CADM2: variants seen among roughly 807,000 people sequenced by gnomAD.
CADM2 encodes the protein cell adhesion molecule 2, also known as immunoglobulin superfamily member 4D.
A neutral mutation model predicts 49.8 loss-of-function variants in CADM2; 12 were observed. That is an observed-to-expected ratio of 0.24 (90% confidence interval 0.15 to 0.39). The LOEUF is 0.39. Ranked by LOEUF, CADM2 falls within the 10% of genes least tolerant of loss-of-function variation. CADM2 has a pLI of 1.00. For missense variants in CADM2, 378 were observed against 492.3 expected, an observed-to-expected ratio of 0.77 and a Z score of 2.20; for synonymous variants, 214 against 175.4, an observed-to-expected ratio of 1.22 and a Z score of -1.74.
chr3:85,408,226 C>G (rs1175907897), intron 1 of CADM2, among the ~76,000 whole-genome samples: 1 of 151,970 alleles, frequency 6.6e-6, no homozygotes, highest in Non-Finnish European at 1.5e-5. Flanking sequence ...CAACACATTT[C>G]TAAAGAGAAT....
intron 8 of CADM2, among the ~76,000 whole-genome samples, chr3:86,036,328 T>C (rs1308945569): frequency 1.3e-5 from 2 of 152,118 alleles, no homozygotes; most frequent in African/African-American, 4.8e-5. Context: ...CCATTCAGTA[T>C]TATTTAATAA....
Position 85,444,782 on chromosome 3 carries a change from T to C in CADM2, c.62-281740T>C, listed in dbSNP as rs149628641. ...CTTTTTGTCATTCTAGCTTCCACTA[T>C]ATAGCCTGTATAAAACAATTCCTTG... On this transcript the variant is annotated intron_variant, in intron 1 of 9. Transcript: ENST00000383699. Among the ~76,000 whole-genome samples the C allele has an allele frequency of 5.1e-4, 78 of 152,298 alleles. No homozygotes were observed. In the East Asian group the frequency reaches 0.015, roughly 29 times the overall value.
intron 6 of CADM2, among the ~76,000 whole-genome samples, chr3:85,922,967 GC>G (rs1719335170): frequency 2.0e-5 from 3 of 151,504 alleles, no homozygotes; most frequent in Admixed American, 2.0e-4. Flanking sequence ...GACTATAGGC[GC>G]CCGCCACCAC....
chr3:85,280,683 A>G (rs2043478276), intron 1 of CADM2, among the ~76,000 whole-genome samples: 1 of 151,854 alleles, frequency 6.6e-6, no homozygotes, highest in Non-Finnish European at 1.5e-5. Flanking sequence ...TGATAGTTTT[A>G]GAAGAGTTTA....
At chr3:85,968,804 A>C (rs1725766990) in intron 8 of CADM2, among the ~76,000 whole-genome samples, 1 of 151,674 alleles carries the variant, frequency 6.6e-6, no homozygotes. Flanking sequence ...AGCAATATGC[A>C]ATGGCCCATG....
chr3:85,253,550 A>G (rs1336786548), intron 1 of CADM2, among the ~76,000 whole-genome samples: 1 of 152,056 alleles, frequency 6.6e-6, no homozygotes, highest in African/African-American at 2.4e-5. Flanking sequence ...TTTGCACAAG[A>G]TGATCTCTGC....
At chr3:86,062,706 G>A (rs1206540942) in intron 8 of CADM2, among the ~76,000 whole-genome samples, 2 of 152,054 alleles carry the variant, frequency 1.3e-5, no homozygotes, top group Non-Finnish European at 2.9e-5. Flanking sequence ...CAGTAGAATC[G>A]CTTGTCCCTG....
chr3:85,686,187 G>C (rs2107669350), intron 1 of CADM2, among the ~76,000 whole-genome samples: 1 of 152,140 alleles, frequency 6.6e-6, no homozygotes, highest in South Asian at 2.1e-4. Context: ...ATCTAATTAT[G>C]TTTCTAACAT....
chr3:85,403,619 T>G (rs1355497550), intron 1 of CADM2, among the ~76,000 whole-genome samples: 1 of 152,148 alleles, frequency 6.6e-6, no homozygotes, highest in African/African-American at 2.4e-5. Context: ...ACAGCAAATG[T>G]GCTCAAGGCA....
At chr3:85,125,281 GCAT>G (rs1235623915) in intron 1 of CADM2, among the ~76,000 whole-genome samples, 1 of 152,034 alleles carries the variant, frequency 6.6e-6, no homozygotes, top group East Asian at 1.9e-4. Context: ...ATATGAGATG[GCAT>G]ATTTTTAGAA....
intron 3 of CADM2, among the ~76,000 whole-genome samples, chr3:85,837,190 T>A (rs1040115418): frequency 6.6e-6 from 1 of 151,598 alleles, no homozygotes; most frequent in Non-Finnish European, 1.5e-5. Context: ...AACTACTTCA[T>A]GTGTTATAAT....
intron 1 of CADM2, among the ~76,000 whole-genome samples, chr3:85,359,798 C>A (rs541058232): frequency 2.0e-5 from 3 of 149,360 alleles, no homozygotes; most frequent in African/African-American, 7.3e-5. Context: ...TACTGCCTTG[C>A]ATATTTTAAA....
chr3:85,118,369 T>C (rs1277882204), intron 1 of CADM2, among the ~76,000 whole-genome samples: 1 of 152,188 alleles, frequency 6.6e-6, no homozygotes, highest in Non-Finnish European at 1.5e-5. Context: ...CTGATAAAGA[T>C]ATACCCAAAA....
intron 8 of CADM2, among the ~76,000 whole-genome samples, chr3:86,016,526 T>C (rs1732256258): frequency 6.6e-6 from 1 of 152,218 alleles, no homozygotes; most frequent in Admixed American, 6.5e-5. Context: ...GTGCTACCAG[T>C]TGTTTAACTT....
At chr3:85,351,592 G>A (rs2031356242) in intron 1 of CADM2, among the ~76,000 whole-genome samples, 1 of 152,090 alleles carries the variant, frequency 6.6e-6, no homozygotes, top group Admixed American at 6.6e-5. Flanking sequence ...GCCTGCATAA[G>A]ACCTGACAAG....
intron 2 of CADM2, among the ~76,000 whole-genome samples, chr3:85,789,228 A>G (rs2071183829): frequency 6.6e-6 from 1 of 152,116 alleles, no homozygotes; most frequent in South Asian, 2.1e-4. Context: ...TCAATTTAGA[A>G]TTTAGTAACA....
At chr3:85,805,512 C>T (rs1450393274) in intron 3 of CADM2, 1 of 152,090 alleles carries the variant, frequency 6.6e-6, no homozygotes, top group African/African-American at 2.4e-5. Flanking sequence ...TTTTCTCGTC[C>T]TCACTATCTG....
intron 1 of CADM2, among the ~76,000 whole-genome samples, chr3:85,219,990 G>T (rs1486215738): frequency 6.6e-6 from 1 of 152,054 alleles, no homozygotes; most frequent in Non-Finnish European, 1.5e-5. Flanking sequence ...AATATTAGGA[G>T]GTATAATGGA....
rs527949062 is a variant in CADM2, at chr3:85,329,274, A to C, written c.61+369606A>C. On this transcript the variant is annotated intron_variant, in intron 1 of 9. Coordinates refer to ENST00000383699, the MANE Select transcript of CADM2 (RefSeq NM_001167675.2). ...AACACAGGACGGGCATGGTGGCTTA[A>C]GCCTGTAATCCCAGCACTTTCGGAG... Among the ~76,000 whole-genome samples, 6 of 151,860 alleles carry C rather than the reference A, an allele frequency of 4.0e-5. 1 individual carries two copies. The South Asian group carries it at 1.2e-3, about 32-fold the overall frequency.
Sources: gnomAD v4.1 joint callset for allele counts (sites outside exome capture counted in the v4.1 genomes callset) on GRCh38, gnomAD v4.1.1 for gene constraint, MANE v1.5 for transcripts, NCBI Gene and HGNC (gene_info 2026-07-23, HGNC 2026-07-21) for gene names.